Variants in SPTAN1 observed in about 807,000 individuals in gnomAD.
The protein encoded by SPTAN1 is spectrin alpha chain, non-erythrocytic 1.
SPTAN1 carries 61 observed loss-of-function variants against 331.3 expected under a neutral mutation model. The ratio of observed to expected loss-of-function variants is 0.18; its 90% CI spans 0.15 to 0.23. The LOEUF is 0.23. SPTAN1 is among the 10% of genes least tolerant of loss of function. SPTAN1 has a pLI of 1.00. For synonymous variants in SPTAN1, 1,153 were observed against 1,173.9 expected, an observed-to-expected ratio of 0.98 and a Z score of 0.36; for missense variants, 2,043 against 3,147.9, an observed-to-expected ratio of 0.65 and a Z score of 8.40.
In SPTAN1 at chr9:128,576,837, G is replaced by A. The variant is rs1386481825; in HGVS notation, c.666G>A (p.Glu222=). Reference sequence around the variant, plus strand: ...TCCTTGTTTAGGAGCAGCACCCTGAGGAGGAACTGATCAAGACTAAGCAGG... The same window carrying A: ...TCCTTGTTTAGGAGCAGCACCCTGAAGAGGAACTGATCAAGACTAAGCAGG... ...AAKLIQEQHP[E]EELIKTKQDE... is the part of the protein sequence containing the mutation. Residue 222 remains glutamate, a synonymous_variant, in exon 6 of 57, where the codon GAG becomes GAA. Transcript: ENST00000372739. The A allele has an allele frequency of 1.2e-6, 2 of 1,613,756 alleles. No homozygotes were observed. The highest frequency in any genetic ancestry group is 8.5e-7 in the Non-Finnish European group (1 of 1,180,038).
chr9:128,604,277 C>T (rs1453102989), intron 28 of SPTAN1, 49 bp from the exon 29 acceptor site: 1 of 1,571,388 alleles, frequency 6.4e-7, no homozygotes. Flanking sequence ...TGACTGGGGG[C>T]ATGACAGGAG....
At chr9:128,605,550 T>C in intron 31 of SPTAN1, 73 bp downstream of exon 31, 1 of 1,571,972 alleles carries the variant, frequency 6.4e-7, no homozygotes, top group Non-Finnish European at 8.7e-7. Context: ...ATTGTGAAAA[T>C]AGTACATGCT....
rs1851102352 is a variant in SPTAN1 at position 128,574,661 on chromosome 9, T to A, written c.364-14T>A. The A allele has an allele frequency of 6.2e-7, 1 of 1,614,128 alleles. No individual in the cohort carries two copies. Among genetic ancestry groups the A allele is most frequent in the Non-Finnish European group, 8.5e-7 (1 of 1,180,000 alleles). On this transcript the variant is annotated splice_polypyrimidine_tract_variant and intron_variant, in intron 3 of 56. Transcript: ENST00000372739. ...AGTTGTGATCTGATTAAAACTCTGA[T>A]TTGAAACTTTCAGACCCGTTTGATG...
At position 128,632,252 on chromosome 9, in the gene SPTAN1, C is replaced by T. The variant is rs2132089546; in HGVS notation, c.6888C>T (p.Ala2296=). The change falls in exon 53 of 57, where the codon GCC becomes GCT. Residue 2296 remains alanine (A), a synonymous_variant. Transcript: ENST00000372739. The part of the protein sequence containing the change: ...KYTEHSTVGL[A]QQWDQLDQLG... ...CGGAGCACAGCACCGTGGGCCTCGC[C>T]CAGCAGTGGGACCAGCTGGACCAGC... 2 of 1,613,498 alleles carry T rather than the reference C, an allele frequency of 1.2e-6. No homozygotes were observed. Among genetic ancestry groups the T allele is most frequent in the Admixed American group, 1.7e-5 (1 of 60,020 alleles).
At chr9:128,622,053 GTTTGA>G (rs1857934425) in intron 45 of SPTAN1, 1 of 152,560 alleles carries the variant, frequency 6.6e-6, no homozygotes, top group African/African-American at 2.4e-5. Flanking sequence ...TCAGACTAGG[GTTTGA>G]TCCATAGGCA....
chr9:128,581,177 T>G, intron 11 of SPTAN1, 118 bp downstream of exon 11: 1 of 1,379,118 alleles, frequency 7.3e-7, no homozygotes, highest in Non-Finnish European at 1.0e-6. Flanking sequence ...CTGAATCCAT[T>G]GAAGAGGGGG....
At chr9:128,583,680 T>C in intron 15 of SPTAN1, 108 bp from the exon 16 acceptor site, 1 of 1,199,906 alleles carries the variant, frequency 8.3e-7, no homozygotes, top group Non-Finnish European at 1.2e-6. Context: ...AGTGAAGGAA[T>C]AAAATTCTGA....
Position 128,592,984 on chromosome 9 carries a change from A to G in SPTAN1, c.3157A>G (p.Thr1053Ala). The change falls in exon 23 of 57, where the codon ACA (threonine) becomes GCA (alanine). Residue 1053 changes from threonine to alanine, a missense_variant and splice_region_variant. Physicochemically the swap from Thr to Ala is moderately conservative, Grantham distance 58. Around this residue, in one of 12 missense-constraint regions of SPTAN1, gnomAD observed 1,038 missense variants for 1,531.5 expected, o/e 0.68. Transcript: ENST00000372739. ...ALRQEQIDNQTRITKEAGSVS... is the reference protein window; with the variant it reads ...ALRQEQIDNQARITKEAGSVS... ...TTTTGCTGTGCCCCCTCTGTGCAGG[A>G]CACGCATAACTAAGGAGGCCGGCAG... is the stretch of plus-strand genomic sequence containing the variant. 2.5e-6 allele frequency: 4 copies of G among 1,607,344 alleles called. No individual in the cohort carries two copies. Among genetic ancestry groups the G allele is most frequent in the Non-Finnish European group, 2.5e-6 (3 of 1,176,500 alleles).
rs998941423 is a variant in SPTAN1 at position 128,577,010 on chromosome 9, T to C, written c.785+54T>C. On this transcript the variant is annotated intron_variant, in intron 6 of 56. Coordinates refer to ENST00000372739, the MANE Select transcript of SPTAN1 (RefSeq NM_001130438.3). The surrounding 1 kb of genome is among the most constrained non-coding windows in gnomAD (Gnocchi z 4.2). ...TGGGTCTCAACCTGGAGGGGAGTTG[T>C]GAAGCACAGGGCATGTGCTGGTGAG... 11 of 1,613,858 alleles carry C rather than the reference T, an allele frequency of 6.8e-6. No individual in the cohort carries two copies. The African/African-American group carries it at 1.3e-4, about 20-fold the overall frequency.
chr9:128,627,358 A>G lies in SPTAN1; in HGVS notation c.6577-28A>G. 6.5e-7 allele frequency: 1 copy of G among 1,540,136 alleles called. No homozygotes were observed. The highest frequency in any genetic ancestry group is 8.8e-7 in the Non-Finnish European group (1 of 1,137,178). ...GCTGGTGTCACTGCCACAGCAGCGC[A>G]CAGCATCTGCCCCCCTTTGGCCCTC... On this transcript the variant is annotated intron_variant, in intron 49 of 56. Transcript: ENST00000372739. This position sits in a 1 kb window ranked among gnomAD's most constrained non-coding sequence, Gnocchi z 4.9.
Position 128,566,981 on chromosome 9 carries a change from C to T in SPTAN1, c.237+4C>T, listed in dbSNP as rs371350283. ...TAAAGACCCAACCAACTTGCAGGTA[C>T]GTCTGATCTCCTGGGATTCCTGCCA... On this transcript the variant is annotated splice_donor_region_variant and intron_variant, in intron 2 of 56. Coordinates refer to ENST00000372739, the MANE Select transcript of SPTAN1 (RefSeq NM_001130438.3). 156 of 1,613,832 alleles carry T rather than the reference C, an allele frequency of 9.7e-5. No homozygotes were observed. The highest frequency in any genetic ancestry group is 1.2e-4 in the Non-Finnish European group (136 of 1,180,018).
At chr9:128,593,848 A>G (rs963747447) in intron 23 of SPTAN1, 14 of 373,364 alleles carry the variant, frequency 3.7e-5, no homozygotes, top group African/African-American at 2.5e-4. Flanking sequence ...CTGTAGTTGC[A>G]TGAGCCCTGT....
In SPTAN1 at chr9:128,577,532, C is replaced by G; in HGVS notation, c.1085+26C>G. 2.5e-6 allele frequency: 4 copies of G among 1,612,660 alleles called. No homozygotes were observed. Among genetic ancestry groups the G allele is most frequent in the Non-Finnish European group, 3.4e-6 (4 of 1,180,034 alleles). ...GTGCAAATAATGCTCCAGGTCTTAA[C>G]CAGTATCATTTGGCTTCTTTTTTGG... On this transcript the variant is annotated intron_variant, in intron 8 of 56. Coordinates refer to ENST00000372739, the MANE Select transcript of SPTAN1 (RefSeq NM_001130438.3). This position sits in a 1 kb window ranked among gnomAD's most constrained non-coding sequence, Gnocchi z 4.2.
chr9:128,626,083 T>C, intron 48 of SPTAN1, 105 bp downstream of exon 48: 2 of 1,402,148 alleles, frequency 1.4e-6, no homozygotes, highest in Non-Finnish European at 2.0e-6. Context: ...AGCTGTGAGC[T>C]CAGTGCAGAG....
At position 128,576,801 on chromosome 9, in the gene SPTAN1, GTCTCT is replaced by G; in HGVS notation, c.652-14_652-10del. On this transcript the variant is annotated splice_polypyrimidine_tract_variant and intron_variant, in intron 5 of 56. Transcript: ENST00000372739. ...GAGCCAGAAGTTGTGTACAAATCCA[GTCTCT>G]TCTCTTCCTTGTTTAGGAGCAGCAC... The G allele has an allele frequency of 1.2e-6, 2 of 1,612,936 alleles. No homozygotes were observed. The highest frequency in any genetic ancestry group is 1.7e-6 in the Non-Finnish European group (2 of 1,179,912).
At position 128,598,966 on chromosome 9, in the gene SPTAN1, G is replaced by A; in HGVS notation, c.3523G>A (p.Val1175Met). The change falls in exon 26 of 57, where the codon GTG becomes ATG. Residue 1175 changes from valine to methionine, a missense_variant. Physicochemically the swap from Val to Met is conservative, Grantham distance 21. This residue lies in a region of SPTAN1 where 1,038 missense variants were observed against 1,531.5 expected (regional missense o/e 0.68). Coordinates refer to ENST00000372739, the MANE Select transcript of SPTAN1 (RefSeq NM_001130438.3). ...TGGTTTCTCTCTCTCCTTGTAGGAA[G>A]TGTATGGCATGATGCCCAGGGTAAG... is the stretch of plus-strand genomic sequence containing the variant. ...EEVQAVQQQE[V>M]YGMMPRDETD... is the part of the protein sequence containing the mutation. 1 of 1,613,938 alleles carries A rather than the reference G, an allele frequency of 6.2e-7. No individual in the cohort carries two copies. The highest frequency in any genetic ancestry group is 2.2e-5 in the East Asian group (1 of 44,878).
At chr9:128,567,568 C>T (rs776156589) in intron 2 of SPTAN1, among the ~76,000 whole-genome samples, 7 of 152,064 alleles carry the variant, frequency 4.6e-5, no homozygotes, top group Non-Finnish European at 1.0e-4. Context: ...GGATTACAGG[C>T]GTGAGCCACC....
At chr9:128,573,240 C>T (rs1255451643) in intron 3 of SPTAN1, among the ~76,000 whole-genome samples, 2 of 152,172 alleles carry the variant, frequency 1.3e-5, no homozygotes, top group African/African-American at 4.8e-5. Flanking sequence ...TACTAATTTC[C>T]TCCAATTCTT....
chr9:128,618,799 A>G, intron 43 of SPTAN1, 72 bp from the exon 44 acceptor site: 1 of 1,610,962 alleles, frequency 6.2e-7, no homozygotes, highest in East Asian at 2.2e-5. Context: ...ACTGTTTTTA[A>G]GCATATGTTA....
Sources: allele counts gnomAD v4.1 joint callset (sites outside exome capture counted in the v4.1 genomes callset), GRCh38; gene constraint gnomAD v4.1.1; regional missense constraint gnomAD v4.1.1; non-coding constraint Gnocchi (gnomAD v3.1); transcripts MANE v1.5; gene names NCBI Gene and HGNC (gene_info 2026-07-23, HGNC 2026-07-21).